Variants in CDK11A observed in about 807,000 individuals in gnomAD.
CDK11A encodes the protein cyclin-dependent kinase 11A.
In CDK11A, 55 loss-of-function variants were observed where a neutral mutation model predicts 83.6. The ratio of observed to expected loss-of-function variants is 0.66; its 90% CI spans 0.53 to 0.82. CDK11A has a LOEUF of 0.82. Among genes scored for constraint, CDK11A ranks in the 40% least tolerant of loss-of-function variants. The pLI is 0.00. For missense variants in CDK11A, 564 were observed against 810.1 expected, an observed-to-expected ratio of 0.70 and a Z score of 3.69; for synonymous variants, 247 against 302.7, an observed-to-expected ratio of 0.82 and a Z score of 1.91.
chr1:1,707,315 C>G, intron 11 of CDK11A, 94 bp downstream of exon 11: 2 of 1,299,192 alleles, frequency 1.5e-6, no homozygotes, highest in East Asian at 5.0e-5. Context: ...TGTGAGGCGA[C>G]AGACGCCAAC....
rs766628306 is a variant in CDK11A at position 1,703,550 on chromosome 1, G to A, written c.1986C>T (p.Ser662=). ...TGCGGAGGTTGTTGTAGGGGTGCTC[G>A]CTGAAGGTCATCTTTTTGACTACTG... ...ELPVVKKMTF[S]EHPYNNLRKR... The change falls in exon 18 of 20, where the codon AGC becomes AGT. Residue 662 remains serine, a synonymous_variant. Coordinates refer to ENST00000404249, the MANE Select transcript of CDK11A (RefSeq NM_024011.4). The A allele has an allele frequency of 3.0e-5, 47 of 1,567,932 alleles. 4 individuals are homozygous for A. The highest frequency in any genetic ancestry group is 3.8e-5 in the Non-Finnish European group (44 of 1,168,070).
rs747486999 is a variant in CDK11A, at chr1:1,707,398, G to T, written c.1245+11C>A. ...TGCGGACAGCGGCCCGGGGCGAGGG[G>T]AGGGCCTGACCTGCAGGGCCGGCAG... is the stretch of plus-strand genomic sequence containing the variant. On this transcript the variant is annotated intron_variant, in intron 11 of 19. Transcript: ENST00000404249. 6.2e-6 allele frequency: 10 copies of T among 1,606,488 alleles called. No homozygotes were observed. In the South Asian group the frequency reaches 1.1e-4, roughly 18 times the overall value.
chr1:1,717,822 G>T (rs1339980613), intron 4 of CDK11A, among the ~76,000 whole-genome samples: 2 of 149,574 alleles, frequency 1.3e-5, no homozygotes, highest in African/African-American at 2.5e-5. Flanking sequence ...CACGCTTTCA[G>T]CTAGAGTATC....
chr1:1,718,170 G>A (rs540689497), intron 4 of CDK11A, among the ~76,000 whole-genome samples: 57 of 135,052 alleles, frequency 4.2e-4, no homozygotes, highest in African/African-American at 8.8e-4. Context: ...TCTGGTTTTC[G>A]GTCTGTGACA....
In CDK11A at chr1:1,717,038, G is replaced by A. The variant is rs569456320; in HGVS notation, c.356-560C>T. 7.2e-4 allele frequency among the ~76,000 whole-genome samples: 101 copies of A among 141,148 alleles called. 4 individuals are homozygous for A. The highest frequency in any genetic ancestry group is 1.3e-3 in the Non-Finnish European group (83 of 64,196). The allele number at this position is 141,148 out of a possible 152,430, so 92.6% of individuals were successfully genotyped here. On this transcript the variant is annotated intron_variant, in intron 4 of 19. Transcript: ENST00000404249. ...CCCAAAGTGCTGGGATTACAGGCCT[G>A]GGCCACTGCACCCAGTCGAATAATC...
chr1:1,723,544 C>T (rs1023438138), intron 1 of CDK11A, among the ~76,000 whole-genome samples: 3 of 63,126 alleles, frequency 4.8e-5, no homozygotes, highest in African/African-American at 1.2e-4. Flanking sequence ...AAGTTGTAAG[C>T]CAGGCAAGGT....
rs1401061852 is a variant in CDK11A, at chr1:1,708,074, C to G, written c.1069+106G>C. On this transcript the variant is annotated intron_variant, in intron 10 of 19. Coordinates refer to ENST00000404249, the MANE Select transcript of CDK11A (RefSeq NM_024011.4). ...GCGGCCAACGAATCAGGCGGCCTCC[C>G]AGACCCTGGCGTGCCCCACGCCGCG... is the stretch of plus-strand genomic sequence containing the variant. 8 of 1,531,370 alleles carry G rather than the reference C, an allele frequency of 5.2e-6. 1 individual carries two copies. Among genetic ancestry groups the G allele is most frequent in the African/African-American group, 1.4e-5 (1 of 72,794 alleles). 94.9% of individuals were successfully genotyped at this position (1,531,370 alleles called of 1,614,324 possible).
At chr1:1,707,722 G>T (rs1644372347) in intron 10 of CDK11A, 138 bp from the exon 11 acceptor site, 1 of 868,414 alleles carries the variant, frequency 1.2e-6, no homozygotes, top group African/African-American at 2.0e-5. Flanking sequence ...CTCGTCCCCT[G>T]GACACAGGGC....
At chr1:1,706,413 G>A (rs1644312897) in intron 11 of CDK11A, among the ~76,000 whole-genome samples, 1 of 151,358 alleles carries the variant, frequency 6.6e-6, no homozygotes, top group South Asian at 2.1e-4. Flanking sequence ...GCCAGGCATG[G>A]TGGCTTGCGC....
intron 13 of CDK11A, 121 bp downstream of exon 13, chr1:1,704,783 T>C: frequency 6.3e-7 from 1 of 1,596,386 alleles, no homozygotes; most frequent in Non-Finnish European, 8.6e-7. Flanking sequence ...TGCTTCTGTG[T>C]GGTCTGTGAA....
rs746759466 is a variant in CDK11A, at chr1:1,704,855, G to C, written c.1458+49C>G. 38 of 1,607,666 alleles carry C rather than the reference G, an allele frequency of 2.4e-5. 1 individual carries two copies. Among genetic ancestry groups the C allele is most frequent in the Non-Finnish European group, 3.1e-5 (37 of 1,176,380 alleles). On this transcript the variant is annotated intron_variant, in intron 13 of 19. Coordinates refer to ENST00000404249, the MANE Select transcript of CDK11A (RefSeq NM_024011.4). ...CGGCCCCAGGACAGCACGGGGCCCT[G>C]TCGGAAAAGCCTTCCACCCGGGGCC...
intron 4 of CDK11A, among the ~76,000 whole-genome samples, chr1:1,716,725 G>A (rs1309111080): frequency 6.8e-6 from 1 of 146,188 alleles, no homozygotes; most frequent in African/African-American, 2.6e-5. Flanking sequence ...TGAGGCTGTA[G>A]AATCACTTGA....
At position 1,704,097 on chromosome 1, in the gene CDK11A, T is replaced by C. The variant is rs771208691; in HGVS notation, c.1736A>G (p.Tyr579Cys). ...CCACTGGGTCACCACGACCGGGGTG[T>C]AGGCCTTCAGAGGGGATCCGTACTC... ...AREYGSPLKA[Y>C]TPVVVTQWYR... Residue 579 changes from tyrosine (Y) to cysteine (C), a missense_variant, in exon 16 of 20, where the codon TAC (tyrosine) becomes TGC (cysteine). Tyr to Cys is a radical substitution (Grantham distance 194). Coordinates refer to ENST00000404249, the MANE Select transcript of CDK11A (RefSeq NM_024011.4). 3.4e-5 allele frequency: 54 copies of C among 1,600,422 alleles called. 1 individual carries two copies. The South Asian group carries it at 5.4e-4, about 16-fold the overall frequency.
Position 1,704,877 on chromosome 1 carries a change from G to T in CDK11A, c.1458+27C>A, listed in dbSNP as rs371977741. 5.0e-5 allele frequency: 81 copies of T among 1,606,684 alleles called. 3 individuals are homozygous for T. The African/African-American group carries it at 1.1e-3, about 21-fold the overall frequency. ...CCTGTCGGAAAAGCCTTCCACCCGGGGCCAGGCGTGGTGGGGCCATGCTCA... is the reference window on the plus strand; with the variant it reads ...CCTGTCGGAAAAGCCTTCCACCCGGTGCCAGGCGTGGTGGGGCCATGCTCA... On this transcript the variant is annotated intron_variant, in intron 13 of 19. Coordinates refer to ENST00000404249, the MANE Select transcript of CDK11A (RefSeq NM_024011.4).
chr1:1,714,807 A>G (rs564943407), intron 5 of CDK11A, among the ~76,000 whole-genome samples: 8,290 of 136,532 alleles, frequency 0.061, 876 homozygotes, highest in African/African-American at 0.21. Flanking sequence ...CCTTTCACGC[A>G]GCTGCATCCT....
Position 1,702,729 on chromosome 1 carries a change from C to T in CDK11A, c.*178G>A, listed in dbSNP as rs1644132670. The T allele has an allele frequency of 1.6e-6, 1 of 610,086 alleles. No homozygotes were observed. Among genetic ancestry groups the T allele is most frequent in the African/African-American group, 1.8e-5 (1 of 54,650 alleles). 37.8% of individuals were successfully genotyped at this position (610,086 alleles called of 1,614,324 possible). On this transcript the variant is annotated 3_prime_UTR_variant, in exon 20 of 20. Coordinates refer to ENST00000404249, the MANE Select transcript of CDK11A (RefSeq NM_024011.4). ...GGCAAGTCACGGAGAAAACACAGCT[C>T]TTTCCTCCACAACAAGGAAAATGAT...
rs200892746 is a variant in CDK11A at position 1,704,184 on chromosome 1, C to T, written c.1687-38G>A. 4.9e-5 allele frequency: 79 copies of T among 1,607,560 alleles called. 9 individuals are homozygous for T. The highest frequency in any genetic ancestry group is 3.9e-4 in the Middle Eastern group (2 of 5,188). On this transcript the variant is annotated intron_variant, in intron 15 of 19. Transcript: ENST00000404249. ...ATGGGCGGCTGTGGGTGGGCCTGGG[C>T]GGGTCACCCTGGGATGGGCCACTCG...
At chr1:1,712,054 C>CG (rs1188905123) in intron 6 of CDK11A, among the ~76,000 whole-genome samples, 3 of 120,182 alleles carry the variant, frequency 2.5e-5, no homozygotes, top group South Asian at 2.9e-4. Context: ...CACTTGAACC[C>CG]GGGGGGCAGA....
intron 9 of CDK11A, 106 bp from the exon 10 acceptor site, chr1:1,708,351 G>C (rs1256197096): frequency 2.0e-6 from 3 of 1,464,224 alleles, no homozygotes; most frequent in African/African-American, 3.2e-5. Flanking sequence ...CCCAAGAATG[G>C]ATATGGAGGC....
Sources: allele counts gnomAD v4.1 joint callset (sites outside exome capture counted in the v4.1 genomes callset), GRCh38; gene constraint gnomAD v4.1.1; transcripts MANE v1.5; gene names NCBI Gene and HGNC (gene_info 2026-07-23, HGNC 2026-07-21).